CLEC1A: variants seen among roughly 807,000 people sequenced by gnomAD.
The protein encoded by CLEC1A is C-type lectin-like receptor-1.
In CLEC1A, 34 loss-of-function variants were observed where a neutral mutation model predicts 28.7. The observed-to-expected ratio is 1.18, with a 90% CI of 0.90 to 1.57. CLEC1A has a LOEUF of 1.57. Ranked by LOEUF, CLEC1A falls within the 40% of genes most tolerant of loss-of-function variation. The pLI, the probability that CLEC1A is intolerant of heterozygous loss-of-function variation, is 0.00. For synonymous variants in CLEC1A, 116 were observed against 121.0 expected (o/e 0.96, Z 0.27); for missense variants, 385 against 339.5 (o/e 1.13, Z -1.05).
intron 1 of CLEC1A, 151 bp downstream of exon 1, chr12:10,098,657 G>GA (rs10706436): frequency 1.5e-3 from 705 of 472,382 alleles, no homozygotes; most frequent in East Asian, 8.4e-3. Context: ...GAATATAACT[G>GA]AAAAAAAAAA....
chr12:10,085,939 A>G (rs1220417288), intron 2 of CLEC1A, among the ~76,000 whole-genome samples: 1 of 152,198 alleles, frequency 6.6e-6, no homozygotes, highest in East Asian at 1.9e-4. Context: ...GATAGGCCAC[A>G]AAAAAAGTCT....
chr12:10,097,929 G>T (rs1156355838), intron 1 of CLEC1A, among the ~76,000 whole-genome samples: 1 of 127,272 alleles, frequency 7.9e-6, no homozygotes, highest in African/African-American at 3.0e-5. Flanking sequence ...AAAAAAAAAA[G>T]CCATATTAGT....
chr12:10,091,449 A>C (rs973156756), intron 1 of CLEC1A, among the ~76,000 whole-genome samples: 1 of 151,982 alleles, frequency 6.6e-6, no homozygotes, highest in Non-Finnish European at 1.5e-5. Flanking sequence ...GTCAGCAGAA[A>C]ACAGACTCAG....
rs985090652 is a variant in CLEC1A, at chr12:10,069,857, T to C, written c.*1476A>G. The C allele has an allele frequency of 6.6e-6, 1 of 152,110 alleles. No homozygotes were observed. Among genetic ancestry groups the C allele is most frequent in the African/African-American group, 2.4e-5 (1 of 41,388 alleles). 9.4% of individuals were successfully genotyped at this position (152,110 alleles called of 1,614,324 possible). A position where few individuals can be genotyped will look rare whatever the true frequency, so the allele number is the denominator to read the frequency against. ...TTTGCTAAGTGACAATCTAACAAAA[T>C]GAAGTTTATGAAAATGAGCACCAAT... On this transcript the variant is annotated 3_prime_UTR_variant, in exon 6 of 6. Transcript: ENST00000315330.
intron 3 of CLEC1A, among the ~76,000 whole-genome samples, chr12:10,081,008 G>C (rs1866355999): frequency 2.0e-5 from 3 of 152,092 alleles, no homozygotes; most frequent in African/African-American, 7.2e-5. Context: ...TTAGTTAATT[G>C]TTTTTATTGT....
chr12:10,072,021 A>G (rs2137325706), intron 5 of CLEC1A, among the ~76,000 whole-genome samples: 1 of 152,276 alleles, frequency 6.6e-6, no homozygotes, highest in East Asian at 1.9e-4. Flanking sequence ...TTGAAATGTT[A>G]TCCCCAGTGT....
chr12:10,075,102 G>A (rs1866222881), intron 4 of CLEC1A, among the ~76,000 whole-genome samples: 1 of 152,136 alleles, frequency 6.6e-6, no homozygotes, highest in Non-Finnish European at 1.5e-5. Flanking sequence ...GCAGATTATG[G>A]TAAAAACTTA....
At chr12:10,084,833 A>AAAAAG (rs1265531952) in intron 2 of CLEC1A, among the ~76,000 whole-genome samples, 6 of 150,206 alleles carry the variant, frequency 4.0e-5, no homozygotes, top group Non-Finnish European at 7.4e-5. Context: ...AAAAAAAAAA[A>AAAAAG]AAAAAAAAAA....
At chr12:10,088,942 A>AT (rs11376074) in intron 2 of CLEC1A, among the ~76,000 whole-genome samples, 182 bp downstream of exon 2, 96,101 of 150,728 alleles carry the variant, frequency 0.64, 33,187 homozygotes, top group Non-Finnish European at 0.79. Flanking sequence ...TTGGCAACTG[A>AT]TTTTTTTTTT....
rs188341682 is a variant in CLEC1A, at chr12:10,078,302, T to C, written c.392-2647A>G. ...CCTAATGCTGTACATTATCTCTACC[T>C]AGCCTCCTGTTAGTCTTCCACTCCA... is the stretch of plus-strand genomic sequence containing the variant. On this transcript the variant is annotated intron_variant, in intron 3 of 5. Coordinates refer to ENST00000315330, the MANE Select transcript of CLEC1A (RefSeq NM_016511.4). 7.3e-3 allele frequency among the ~76,000 whole-genome samples: 1,113 copies of C among 152,334 alleles called. 21 individuals carry two copies. Among genetic ancestry groups the C allele is most frequent in the Non-Finnish European group, 7.1e-3 (482 of 68,020 alleles).
At position 10,073,539 on chromosome 12, in the gene CLEC1A, G is replaced by A. The variant is rs1048157871; in HGVS notation, c.544-128C>T. The A allele has an allele frequency of 6.6e-5, 44 of 662,140 alleles. 1 individual carries two copies. The South Asian group carries it at 9.5e-4, about 14-fold the overall frequency. 41.0% of individuals were successfully genotyped at this position (662,140 alleles called of 1,614,324 possible). A position where few individuals can be genotyped will look rare whatever the true frequency, so the allele number is the denominator to read the frequency against. Reference sequence around the variant, plus strand: ...TCCTGCTTCACATTGATGCTCATATGCTTAAGAGAAAAAGCATCTATGCTG... The same window carrying A: ...TCCTGCTTCACATTGATGCTCATATACTTAAGAGAAAAAGCATCTATGCTG... On this transcript the variant is annotated intron_variant, in intron 4 of 5. Transcript: ENST00000315330.
chr12:10,091,615 C>T (rs535346899), intron 1 of CLEC1A, among the ~76,000 whole-genome samples: 2 of 149,162 alleles, frequency 1.3e-5, no homozygotes, highest in Non-Finnish European at 1.5e-5. Flanking sequence ...ATGGTTTTCT[C>T]GTGGTATTGA....
In CLEC1A at chr12:10,071,260, T is replaced by C. The variant is rs1866120138; in HGVS notation, c.*73A>G. The C allele has an allele frequency of 1.4e-6, 2 of 1,380,646 alleles. No individual in the cohort carries two copies. The highest frequency in any genetic ancestry group is 2.2e-4 in the Middle Eastern group (1 of 4,460). The allele number at this position is 1,380,646 out of a possible 1,614,324, so 85.5% of individuals were successfully genotyped here. A position where few individuals can be genotyped will look rare whatever the true frequency, so the allele number is the denominator to read the frequency against. On this transcript the variant is annotated 3_prime_UTR_variant, in exon 6 of 6. Transcript: ENST00000315330. ...TAGTCTTTCCTGATTATGTTCCATT[T>C]CCCAATGTCTCAACTAGCCCTTGCT...
chr12:10,093,289 C>T (rs1267834944), intron 1 of CLEC1A, among the ~76,000 whole-genome samples: 1 of 149,892 alleles, frequency 6.7e-6, no homozygotes, highest in Non-Finnish European at 1.5e-5. Context: ...AACCCCTTTG[C>T]TGTCTCCTGA....
Position 10,073,312 on chromosome 12 carries a change from T to A in CLEC1A, c.643A>T (p.Thr215Ser). Residue 215 changes from threonine (T) to serine (S), a missense_variant, in exon 5 of 6, where the codon ACC becomes TCC. Thr to Ser is a moderately conservative substitution (Grantham distance 58). Transcript: ENST00000315330. ...SGKAWLWMDG[T>S]PFTSELFHII... The stretch of plus-strand genomic sequence containing the variant: ...GCTTACAGTTCAGAAGTGAAAGGGG[T>A]TCCATCCATCCACAGCCAGGCCTTG... 6.2e-7 allele frequency: 1 copy of A among 1,612,280 alleles called. No individual in the cohort carries two copies. The highest frequency in any genetic ancestry group is 8.5e-7 in the Non-Finnish European group (1 of 1,178,420).
chr12:10,073,768 A>T (rs995339562), intron 4 of CLEC1A, among the ~76,000 whole-genome samples: 1 of 152,210 alleles, frequency 6.6e-6, no homozygotes, highest in Non-Finnish European at 1.5e-5. Context: ...ATTCTGGGAC[A>T]TGGAAGAATA....
intron 2 of CLEC1A, among the ~76,000 whole-genome samples, chr12:10,087,492 A>G (rs1257098033): frequency 2.4e-5 from 3 of 124,568 alleles, no homozygotes; most frequent in African/African-American, 3.4e-5. Context: ...ATATATATAT[A>G]TATATATATA....
At chr12:10,085,825 G>C (rs549115020) in intron 2 of CLEC1A, among the ~76,000 whole-genome samples, 1 of 152,212 alleles carries the variant, frequency 6.6e-6, no homozygotes, top group South Asian at 2.1e-4. Flanking sequence ...CTATATCCTA[G>C]GACAAATTGA....
At chr12:10,094,245 T>C (rs1010331416) in intron 1 of CLEC1A, among the ~76,000 whole-genome samples, 2 of 152,048 alleles carry the variant, frequency 1.3e-5, no homozygotes, top group Non-Finnish European at 2.9e-5. Context: ...AAAAATGTCT[T>C]ATATGAATGT....
Sources: allele counts gnomAD v4.1 joint callset (sites outside exome capture counted in the v4.1 genomes callset), GRCh38; gene constraint gnomAD v4.1.1; transcripts MANE v1.5; gene names NCBI Gene and HGNC (gene_info 2026-07-23, HGNC 2026-07-21).